Variants in MAGI1 observed in about 807,000 individuals in gnomAD.
The protein encoded by MAGI1 is membrane-associated guanylate kinase, WW and PDZ domain-containing protein 1.
In MAGI1, 58 loss-of-function variants were observed where a neutral mutation model predicts 139.9. The ratio of observed to expected loss-of-function variants is 0.41; its 90% CI spans 0.34 to 0.52. The LOEUF is 0.52. Ranked by LOEUF, MAGI1 falls within the 20% of genes least tolerant of loss-of-function variation. The probability of loss-of-function intolerance (pLI) is 0.12; values close to 1 mark genes in which losing one functional copy is unlikely to be tolerated. For missense variants in MAGI1, 1,874 were observed against 1,901.6 expected (o/e 0.99, Z 0.27); for synonymous variants, 812 against 737.9 (o/e 1.10, Z -1.63).
chr3:65,852,862 G>A (rs920999676), intron 1 of MAGI1, among the ~76,000 whole-genome samples: 1 of 151,836 alleles, frequency 6.6e-6, no homozygotes, highest in African/African-American at 2.4e-5. Flanking sequence ...TTGGCTGGGC[G>A]CCATGGCTCA....
chr3:65,509,406 A>C (rs2077457923), intron 2 of MAGI1, among the ~76,000 whole-genome samples: 1 of 152,052 alleles, frequency 6.6e-6, no homozygotes, highest in African/African-American at 2.4e-5. Context: ...GGTTTATCTC[A>C]CTAGGGAGTG....
intron 1 of MAGI1, among the ~76,000 whole-genome samples, chr3:65,834,188 A>G (rs1434151075): frequency 6.6e-6 from 1 of 152,244 alleles, no homozygotes; most frequent in Non-Finnish European, 1.5e-5. Context: ...AGGTAGGAAC[A>G]TGAAGATATT....
At chr3:66,037,467 G>A (rs1017754321) in intron 1 of MAGI1, among the ~76,000 whole-genome samples, 1 of 152,098 alleles carries the variant, frequency 6.6e-6, no homozygotes, top group Non-Finnish European at 1.5e-5. Context: ...CTCTTCTGGC[G>A]GCGGGCTCAG....
At position 65,951,022 on chromosome 3, in the gene MAGI1, AGG is replaced by A. The variant is rs1560047219; in HGVS notation, c.313+86972_313+86973del. 2.1e-3 allele frequency among the ~76,000 whole-genome samples: 201 copies of A among 97,978 alleles called. 10 individuals are homozygous for A. The highest frequency in any genetic ancestry group is 4.2e-3 in the Non-Finnish European group (169 of 39,816). 64.3% of individuals were successfully genotyped at this position (97,978 alleles called of 152,430 possible). A position where few individuals can be genotyped will look rare whatever the true frequency, so the allele number is the denominator to read the frequency against. On this transcript the variant is annotated intron_variant, in intron 1 of 22. Coordinates refer to ENST00000402939, the MANE Select transcript of MAGI1 (RefSeq NM_001033057.2). ...AAGGAAGGAAGGAAGGAAGGAAGGA[AGG>A]AAGGAAGGAAGGAAAGGAGGGAGGG...
At chr3:65,611,203 A>ATAC (rs1275288387) in intron 2 of MAGI1, among the ~76,000 whole-genome samples, 1 of 141,602 alleles carries the variant, frequency 7.1e-6, no homozygotes, top group Non-Finnish European at 1.5e-5. Flanking sequence ...ATATGTGTGT[A>ATAC]TACACACGTG....
At chr3:65,724,467 G>T (rs1008984109) in intron 1 of MAGI1, among the ~76,000 whole-genome samples, 1 of 152,150 alleles carries the variant, frequency 6.6e-6, no homozygotes, top group Non-Finnish European at 1.5e-5. Flanking sequence ...TGGATACCTG[G>T]ATCAGATAAA....
intron 1 of MAGI1, among the ~76,000 whole-genome samples, chr3:65,941,357 AAAG>A (rs2063306975): frequency 6.6e-6 from 1 of 152,136 alleles, no homozygotes. Context: ...AAAAAAAAAA[AAAG>A]AATTATATTG....
intron 1 of MAGI1, among the ~76,000 whole-genome samples, chr3:65,767,695 A>G (rs1165722409): frequency 1.3e-5 from 2 of 152,214 alleles, no homozygotes; most frequent in Non-Finnish European, 2.9e-5. Flanking sequence ...AGACCAAACC[A>G]AAATGGGGTT....
chr3:65,361,356 A>C lies in MAGI1; in HGVS notation c.3496-19T>G, dbSNP rs1370604178. 2 of 1,611,368 alleles carry C rather than the reference A, an allele frequency of 1.2e-6. No homozygotes were observed. The highest frequency in any genetic ancestry group is 1.7e-6 in the Non-Finnish European group (2 of 1,178,084). On this transcript the variant is annotated intron_variant, in intron 21 of 22. Transcript: ENST00000402939. ...CACCAATCTGCCAAAGCAAAAGAAA[A>C]CTAAGTGAGATTTGAAATTCATGTA...
chr3:65,647,653 C>T (rs1339822952), intron 1 of MAGI1, among the ~76,000 whole-genome samples: 1 of 152,048 alleles, frequency 6.6e-6, no homozygotes, highest in Non-Finnish European at 1.5e-5. Context: ...CGAAGAGAAA[C>T]CACATGATCA....
At chr3:65,827,410 A>ATT (rs1031733906) in intron 1 of MAGI1, among the ~76,000 whole-genome samples, 16 of 152,120 alleles carry the variant, frequency 1.1e-4, no homozygotes, top group Non-Finnish European at 1.6e-4. Context: ...AAAAAAAAAC[A>ATT]TTTTAAAGTC....
chr3:65,493,455 G>C (rs1016517673), intron 3 of MAGI1, 57 bp downstream of exon 3: 3 of 1,608,886 alleles, frequency 1.9e-6, no homozygotes, highest in Non-Finnish European at 2.5e-6. Flanking sequence ...GGATGGCTCT[G>C]GCTCCTCTCA....
chr3:65,729,441 C>G (rs2033967612), intron 1 of MAGI1, among the ~76,000 whole-genome samples: 1 of 152,138 alleles, frequency 6.6e-6, no homozygotes, highest in African/African-American at 2.4e-5. Context: ...ATACTATGCA[C>G]AGTAGACAAT....
At chr3:65,364,807 G>T (rs1482249656) in intron 19 of MAGI1, 46 bp downstream of exon 19, 4 of 1,607,552 alleles carry the variant, frequency 2.5e-6, no homozygotes, top group African/African-American at 1.3e-5. Flanking sequence ...GTCATGCTGG[G>T]AGTTACTTTT....
At chr3:65,488,148 C>T (rs1439803899) in intron 3 of MAGI1, among the ~76,000 whole-genome samples, 1 of 152,078 alleles carries the variant, frequency 6.6e-6, no homozygotes, top group South Asian at 2.1e-4. Flanking sequence ...ACATCGTTCT[C>T]TGTGGATTCA....
intron 1 of MAGI1, among the ~76,000 whole-genome samples, chr3:66,000,932 T>G (rs2066706664): frequency 6.6e-6 from 1 of 152,190 alleles, no homozygotes; most frequent in African/African-American, 2.4e-5. Flanking sequence ...AGTGAACAAT[T>G]AGGAAATTGA....
chr3:65,999,191 T>C (rs2066612240), intron 1 of MAGI1, among the ~76,000 whole-genome samples: 1 of 152,156 alleles, frequency 6.6e-6, no homozygotes, highest in South Asian at 2.1e-4. Flanking sequence ...AAGCCCAGCA[T>C]GCATTAGCTA....
chr3:65,933,549 C>T (rs1476748589), intron 1 of MAGI1, among the ~76,000 whole-genome samples: 1 of 152,170 alleles, frequency 6.6e-6, no homozygotes, highest in Non-Finnish European at 1.5e-5. Flanking sequence ...CAATACTGTG[C>T]CATTTCTACC....
chr3:65,726,085 CAA>C (rs1288396079), intron 1 of MAGI1, among the ~76,000 whole-genome samples: 1 of 152,064 alleles, frequency 6.6e-6, no homozygotes, highest in Non-Finnish European at 1.5e-5. Context: ...TGAAATTATG[CAA>C]AGACTTGTTG....
Sources: gnomAD v4.1 joint callset for allele counts (sites outside exome capture counted in the v4.1 genomes callset) on GRCh38, gnomAD v4.1.1 for gene constraint, MANE v1.5 for transcripts, NCBI Gene and HGNC (gene_info 2026-07-23, HGNC 2026-07-21) for gene names.